The following SLC5A11 variants were observed in gnomAD, a reference collection of about 807,000 sequenced individuals.
SLC5A11 encodes solute carrier family 5 member 11, also known as sodium/myo-inositol cotransporter 2.
SLC5A11 carries 48 observed loss-of-function variants against 69.8 expected under a neutral mutation model. The ratio of observed to expected loss-of-function variants is 0.69; its 90% confidence interval spans 0.55 to 0.87. The LOEUF is 0.87. SLC5A11 is among the 40% of genes least tolerant of loss of function. The pLI is 0.00. For missense variants in SLC5A11, 784 were observed against 866.1 expected, an observed-to-expected ratio of 0.91 and a Z score of 1.19; for synonymous variants, 319 against 342.4, an observed-to-expected ratio of 0.93 and a Z score of 0.75.
exon 9 of SLC5A11, chr16:24,890,879 G>C (rs756403795): frequency 1.0e-4 from 162 of 1,613,982 alleles, no homozygotes; most frequent in Non-Finnish European, 1.3e-4. Context: ...GTTTCGCCGC[G>C]GTTGGTGGGA....
At chr16:24,905,638 G>GCGCGCGCGCGCGCGCA (rs1555534421) in intron 10 of SLC5A11, among the ~76,000 whole-genome samples, 1 of 70,228 alleles carries the variant, frequency 1.4e-5, no homozygotes, top group African/African-American at 4.4e-5. Flanking sequence ...ACGCGCGCGC[G>GCGCGCGCGCGCGCGCA]CGCACACACA....
In SLC5A11 at chr16:24,909,113, G is replaced by A. The variant is rs2050304464; in HGVS notation, c.1650+17G>A. Reference sequence around the variant, plus strand: ...AAGGAGATGGTACATTTGGGCTGATGGCTAGATCCGTTGAGACTTTTTGTT... The same window carrying A: ...AAGGAGATGGTACATTTGGGCTGATAGCTAGATCCGTTGAGACTTTTTGTT... On this transcript the variant is annotated intron_variant, in intron 14 of 15. Coordinates refer to ENST00000347898, the Ensembl canonical transcript of SLC5A11. 1 of 1,611,662 alleles carries A rather than the reference G, an allele frequency of 6.2e-7. No individual in the cohort carries two copies. The highest frequency in any genetic ancestry group is 1.1e-5 in the South Asian group (1 of 90,992).
chr16:24,868,911 A>C (rs2047093652), intron 3 of SLC5A11, among the ~76,000 whole-genome samples: 2 of 141,220 alleles, frequency 1.4e-5, no homozygotes, highest in African/African-American at 5.3e-5. Context: ...TCTGTCGTCC[A>C]GGCTGGAGTG....
At chr16:24,907,485 GT>G (rs2050155645) in intron 12 of SLC5A11, among the ~76,000 whole-genome samples, 1 of 152,172 alleles carries the variant, frequency 6.6e-6, no homozygotes, top group Non-Finnish European at 1.5e-5. Context: ...GGCCGAGGCG[GT>G]GGATCACTTG....
rs1376270315 is a variant in SLC5A11, at chr16:24,910,479, T to G, written c.1822+2T>G. On this transcript the variant is annotated splice_donor_variant, in intron 15 of 15. Coordinates refer to ENST00000347898, the Ensembl canonical transcript of SLC5A11. LOFTEE classifies it high-confidence loss of function. ...AAAACACGTCTAAAACCCACAGCTGTGAGTAGCTTCTCTCCTCAGTTACAG... is the reference window on the plus strand; with the variant it reads ...AAAACACGTCTAAAACCCACAGCTGGGAGTAGCTTCTCTCCTCAGTTACAG... 6.2e-7 allele frequency: 1 copy of G among 1,613,510 alleles called. No homozygotes were observed. Among genetic ancestry groups the G allele is most frequent in the Admixed American group, 1.7e-5 (1 of 59,950 alleles).
intron 5 of SLC5A11, among the ~76,000 whole-genome samples, chr16:24,874,528 G>A (rs1312177363): frequency 6.6e-6 from 1 of 152,100 alleles, no homozygotes; most frequent in African/African-American, 2.4e-5. Context: ...AGATTCTTGC[G>A]AATTTGGTGC....
chr16:24,858,876 C>T, intron 2 of SLC5A11, 98 bp downstream of exon 3: 1 of 1,411,618 alleles, frequency 7.1e-7, no homozygotes, highest in Non-Finnish European at 9.4e-7. Context: ...AAGATACTGA[C>T]TGTGAGAGGA....
Position 24,858,593 on chromosome 16 carries a change from A to T in SLC5A11, c.-24-27A>T, listed in dbSNP as rs779282001. 5 of 1,569,892 alleles carry T rather than the reference A, an allele frequency of 3.2e-6. No individual in the cohort carries two copies. In the East Asian group the frequency reaches 9.1e-5, roughly 28 times the overall value. ...GAGAAGAATGATGCTAGGATCTGGCATTTGACTGGCATTTGCCCTTCCTCA... is the reference window on the plus strand; with the variant it reads ...GAGAAGAATGATGCTAGGATCTGGCTTTTGACTGGCATTTGCCCTTCCTCA... On this transcript the variant is annotated intron_variant, in intron 1 of 15. Transcript: ENST00000347898.
chr16:24,892,175 T>G (rs1215274254), intron 9 of SLC5A11, among the ~76,000 whole-genome samples: 2 of 151,226 alleles, frequency 1.3e-5, no homozygotes, highest in Non-Finnish European at 2.9e-5. Context: ...TGCAGTGAGT[T>G]GAGATTGCAC....
intron 5 of SLC5A11, 92 bp from the exon 7 acceptor site, chr16:24,875,534 CG>C: frequency 3.2e-6 from 3 of 949,894 alleles, no homozygotes; most frequent in Middle Eastern, 2.8e-4. Context: ...CTCTGAGTTG[CG>C]GGGGCAGGAG....
At position 24,862,608 on chromosome 16, in the gene SLC5A11, T is replaced by C. The variant is rs758387333; in HGVS notation, c.143T>C (p.Val48Ala). The C allele has an allele frequency of 3.1e-6, 5 of 1,613,076 alleles. No individual in the cohort carries two copies. The South Asian group carries it at 4.4e-5, about 14-fold the overall frequency. ...CTCTTCTTTTTTTTTCAGTCCACAG[T>C]GAAGACCAAAAGAGACACAGTGAAA... Residue 48 changes from valine (V) to alanine (A), a missense_variant, in exon 3 of 16, where the codon GTG becomes GCG. Coordinates refer to ENST00000347898, the Ensembl canonical transcript of SLC5A11.
At chr16:24,892,444 T>TAA (rs59511866) in intron 9 of SLC5A11, among the ~76,000 whole-genome samples, 28,532 of 140,646 alleles carry the variant, frequency 0.2, 3,195 homozygotes, top group South Asian at 0.39. Flanking sequence ...CCTTTTGTGT[T>TAA]AAAAAAAAAA....
intron 8 of SLC5A11, among the ~76,000 whole-genome samples, chr16:24,885,267 G>T (rs2048321244): frequency 7.0e-6 from 1 of 142,986 alleles, no homozygotes; most frequent in Admixed American, 7.3e-5. Flanking sequence ...TTGTTGATTA[G>T]CCAACTTCTT....
chr16:24,897,880 A>C, intron 9 of SLC5A11, 94 bp from the exon 11 acceptor site: 1 of 1,497,226 alleles, frequency 6.7e-7, no homozygotes, highest in Non-Finnish European at 9.1e-7. Flanking sequence ...ACATGTGGGA[A>C]TTATGGGAGC....
chr16:24,886,362 A>G (rs1017640300), intron 8 of SLC5A11, among the ~76,000 whole-genome samples: 1 of 149,096 alleles, frequency 6.7e-6, no homozygotes, highest in South Asian at 2.1e-4. Context: ...AATAAAATGC[A>G]GAGAAAAGGG....
intron 1 of SLC5A11, among the ~76,000 whole-genome samples, chr16:24,854,622 G>A (rs1471618772): frequency 6.6e-6 from 1 of 152,028 alleles, no homozygotes; most frequent in Non-Finnish European, 1.5e-5. Flanking sequence ...AGTAGAGATG[G>A]GATTTCACCA....
chr16:24,892,017 G>C (rs2048844498), intron 9 of SLC5A11, among the ~76,000 whole-genome samples: 2 of 133,914 alleles, frequency 1.5e-5, no homozygotes, highest in Non-Finnish European at 3.1e-5. Context: ...AGGAGTTTGA[G>C]ACCAACCTGG....
At chr16:24,869,693 A>G (rs1229587792) in intron 3 of SLC5A11, among the ~76,000 whole-genome samples, 1 of 152,170 alleles carries the variant, frequency 6.6e-6, no homozygotes, top group East Asian at 1.9e-4. Flanking sequence ...TATTCTACCA[A>G]TTTCTGACAG....
exon 9 of SLC5A11, chr16:24,890,938 G>A: frequency 2.5e-6 from 4 of 1,614,200 alleles, no homozygotes; most frequent in Non-Finnish European, 3.4e-6. Flanking sequence ...AGCAACCGGA[G>A]TGAGAACAGC....
Sources: allele counts gnomAD v4.1 joint callset (sites outside exome capture counted in the v4.1 genomes callset), GRCh38; gene constraint gnomAD v4.1.1; transcripts MANE v1.5; gene names NCBI Gene and HGNC (gene_info 2026-07-23, HGNC 2026-07-21).